Variants in STK16 observed in about 807,000 individuals in gnomAD.
STK16 encodes the protein serine/threonine kinase 16, also known as serine/threonine-protein kinase 16.
In STK16, 28 loss-of-function variants were observed where a neutral mutation model predicts 37.8. The ratio of observed to expected loss-of-function variants is 0.74; its 90% CI spans 0.55 to 1.02. The LOEUF (loss-of-function observed/expected upper bound fraction) is 1.02, where lower values mean the gene tolerates loss of function less well. Among genes scored for constraint, STK16 ranks in the 50% least tolerant of loss-of-function variants. The pLI is 0.00. For synonymous variants in STK16, 134 were observed against 155.0 expected (o/e 0.86, Z 1.01); for missense variants, 349 against 390.6 (o/e 0.89, Z 0.90).
chr2:219,246,191 C>G lies in STK16; in HGVS notation c.86+106C>G, dbSNP rs1355415075. 2.1e-6 allele frequency: 2 copies of G among 960,962 alleles called. No individual in the cohort carries two copies. Among genetic ancestry groups the G allele is most frequent in the African/African-American group, 3.3e-5 (2 of 61,256 alleles). 59.5% of individuals were successfully genotyped at this position (960,962 alleles called of 1,614,324 possible). Reference sequence around the variant, plus strand: ...AGGGTTTTATCCCTATCCCTGTCCTCTCTCACCTGACAGAACCTAGCTACA... The same window carrying G: ...AGGGTTTTATCCCTATCCCTGTCCTGTCTCACCTGACAGAACCTAGCTACA... On this transcript the variant is annotated intron_variant, in intron 2 of 7. Coordinates refer to ENST00000396738, the MANE Select transcript of STK16 (RefSeq NM_001330213.2). The surrounding 1 kb of genome is among the most constrained non-coding windows in gnomAD (Gnocchi z 4.5).
At position 219,247,134 on chromosome 2, in the gene STK16, A is replaced by G; in HGVS notation, c.328A>G (p.Ile110Val). 6.2e-7 allele frequency: 1 copy of G among 1,614,228 alleles called. No individual in the cohort carries two copies. Among genetic ancestry groups the G allele is most frequent in the Non-Finnish European group, 8.5e-7 (1 of 1,180,040 alleles). ...FFKRGTLWNE[I>V]ERLKDKGNFL... Reference sequence around the variant, plus strand: ...GCAGAGAGGTACGCTGTGGAATGAGATAGAAAGGCTGAAGGACAAAGGCAA... The same window carrying G: ...GCAGAGAGGTACGCTGTGGAATGAGGTAGAAAGGCTGAAGGACAAAGGCAA... The change falls in exon 4 of 8, where the codon ATA (isoleucine) becomes GTA (valine). Residue 110 changes from isoleucine to valine, a missense_variant. Transcript: ENST00000396738.
chr2:219,246,984 C>T lies in STK16; in HGVS notation c.306+108C>T. ...AGCAGGGACCATGTCCTGGGTTTGGCCACTTTAGATTTTGAGTTTGAGGTG... is the reference window on the plus strand; with the variant it reads ...AGCAGGGACCATGTCCTGGGTTTGGTCACTTTAGATTTTGAGTTTGAGGTG... On this transcript the variant is annotated intron_variant, in intron 3 of 7. Coordinates refer to ENST00000396738, the MANE Select transcript of STK16 (RefSeq NM_001330213.2). This position sits in a 1 kb window ranked among gnomAD's most constrained non-coding sequence, Gnocchi z 4.5. 2 of 1,528,266 alleles carry T rather than the reference C, an allele frequency of 1.3e-6. No individual in the cohort carries two copies. The highest frequency in any genetic ancestry group is 1.8e-6 in the Non-Finnish European group (2 of 1,128,918). 94.7% of individuals were successfully genotyped at this position (1,528,266 alleles called of 1,614,324 possible).
At position 219,247,155 on chromosome 2, in the gene STK16, G is replaced by A. The variant is rs752160501; in HGVS notation, c.349G>A (p.Gly117Ser). 1 of 1,614,232 alleles carries A rather than the reference G, an allele frequency of 6.2e-7. No individual in the cohort carries two copies. Among genetic ancestry groups the A allele is most frequent in the South Asian group, 1.1e-5 (1 of 91,090 alleles). Residue 117 changes from glycine to serine, a missense_variant, in exon 4 of 8, where the codon GGC becomes AGC. By Grantham distance (56) the Gly-to-Ser change is moderately conservative (BLOSUM62 0). Coordinates refer to ENST00000396738, the MANE Select transcript of STK16 (RefSeq NM_001330213.2). ...WNEIERLKDK[G>S]NFLTEDQILW... ...TGAGATAGAAAGGCTGAAGGACAAA[G>A]GCAACTTCCTGACCGAGGATCAAAT...
At chr2:219,247,054 A>C (rs1445160826) in intron 3 of STK16, 59 bp from the exon 4 acceptor site, 1 of 1,607,702 alleles carries the variant, frequency 6.2e-7, no homozygotes, top group Non-Finnish European at 8.5e-7. Flanking sequence ...GGAAGGGATC[A>C]GGCCTAAGGA....
At position 219,248,664 on chromosome 2, in the gene STK16, G is replaced by A. The variant is rs1325965372; in HGVS notation, c.*105G>A. The A allele has an allele frequency of 3.5e-6, 5 of 1,421,312 alleles. No homozygotes were observed. The African/African-American group carries it at 7.2e-5, about 20-fold the overall frequency. The allele number at this position is 1,421,312 out of a possible 1,614,324, so 88.0% of individuals were successfully genotyped here. ...ATCCAGGACTTCTCTTACACTTGGG[G>A]GTAGCGGGGTCAGGACAATCATCTC... On this transcript the variant is annotated 3_prime_UTR_variant, in exon 8 of 8. Coordinates refer to ENST00000396738, the MANE Select transcript of STK16 (RefSeq NM_001330213.2).
chr2:219,246,970 T>C lies in STK16; in HGVS notation c.306+94T>C. ...CCAGCATGTTAGGAAGCAGGGACCA[T>C]GTCCTGGGTTTGGCCACTTTAGATT... On this transcript the variant is annotated intron_variant, in intron 3 of 7. Transcript: ENST00000396738. The surrounding 1 kb of genome is among the most constrained non-coding windows in gnomAD (Gnocchi z 4.5). 1.3e-6 allele frequency: 2 copies of C among 1,522,804 alleles called. No homozygotes were observed. The highest frequency in any genetic ancestry group is 1.4e-5 in the African/African-American group (1 of 72,892). The allele number at this position is 1,522,804 out of a possible 1,614,324, so 94.3% of individuals were successfully genotyped here.
rs1194825043 is a variant in STK16 at position 219,249,196 on chromosome 2, A to C, written c.*637A>C. The C allele has an allele frequency of 6.6e-6, 1 of 152,250 alleles. No homozygotes were observed. The allele number at this position is 152,250 out of a possible 1,614,324, so 9.4% of individuals were successfully genotyped here. The stretch of plus-strand genomic sequence containing the variant: ...CTCCTGGGGTGAGTAGCTTAGTCAA[A>C]GCTGCCTAGCCGGTTTGCTAGGCAA... On this transcript the variant is annotated 3_prime_UTR_variant, in exon 8 of 8. Coordinates refer to ENST00000396738, the MANE Select transcript of STK16 (RefSeq NM_001330213.2).
rs1453703123 is a variant in STK16 at position 219,250,096 on chromosome 2, A to G, written c.*1537A>G. 1.3e-5 allele frequency: 7 copies of G among 520,800 alleles called. No homozygotes were observed. The highest frequency in any genetic ancestry group is 2.4e-5 in the Non-Finnish European group (7 of 293,544). 32.3% of individuals were successfully genotyped at this position (520,800 alleles called of 1,614,324 possible). ...GGATTTTGGTCCTCATTTCCTCCCT[A>G]TACTGAGTAACCCTAGGACTTCAAT... On this transcript the variant is annotated 3_prime_UTR_variant, in exon 8 of 8. Transcript: ENST00000396738. The surrounding 1 kb of genome is among the most constrained non-coding windows in gnomAD (Gnocchi z 8.4).
Position 219,247,492 on chromosome 2 carries a change from C to T in STK16, c.518C>T (p.Ala173Val), listed in dbSNP as rs1397029286. The change falls in exon 5 of 8, where the codon GCA (alanine) becomes GTA (valine). Residue 173 changes from alanine to valine, a missense_variant. Transcript: ENST00000396738. Reference protein sequence around the residue: ...VLMDLGSMNQACIHVEGSRQA... With the variant: ...VLMDLGSMNQVCIHVEGSRQA... ...ATGGACTTGGGTTCCATGAATCAAG[C>T]ATGCATCCATGTGGAGGGCTCCCGC... is the stretch of plus-strand genomic sequence containing the variant. 1 of 1,614,218 alleles carries T rather than the reference C, an allele frequency of 6.2e-7. No homozygotes were observed. Among genetic ancestry groups the T allele is most frequent in the Admixed American group, 1.7e-5 (1 of 60,032 alleles).
intron 4 of STK16, 46 bp from the exon 5 acceptor site, chr2:219,247,369 C>A (rs781661903): frequency 6.8e-6 from 11 of 1,610,134 alleles, no homozygotes; most frequent in South Asian, 1.1e-5. Flanking sequence ...GGGATTCCAG[C>A]CTTCCTGTCC....
intron 4 of STK16, 55 bp from the exon 5 acceptor site, chr2:219,247,360 G>A: frequency 6.2e-7 from 1 of 1,609,478 alleles, no homozygotes; most frequent in South Asian, 1.1e-5. Context: ...TTGCTTGCTG[G>A]GATTCCAGCC....
chr2:219,246,929 G>C lies in STK16; in HGVS notation c.306+53G>C. ...GGTTGCAGCAGAGCCACCTACTCAA[G>C]GGCTGTGTGAGCAGTCCAGCATGTT... On this transcript the variant is annotated intron_variant, in intron 3 of 7. Coordinates refer to ENST00000396738, the MANE Select transcript of STK16 (RefSeq NM_001330213.2). The surrounding 1 kb of genome is among the most constrained non-coding windows in gnomAD (Gnocchi z 4.5). 6.4e-7 allele frequency: 1 copy of C among 1,557,144 alleles called. No homozygotes were observed. The highest frequency in any genetic ancestry group is 1.4e-5 in the African/African-American group (1 of 73,822).
Position 219,246,197 on chromosome 2 carries a change from C to T in STK16, c.86+112C>T. 1.2e-6 allele frequency: 1 copy of T among 859,370 alleles called. No homozygotes were observed. The highest frequency in any genetic ancestry group is 2.7e-5 in the East Asian group (1 of 37,562). The allele number at this position is 859,370 out of a possible 1,614,324, so 53.2% of individuals were successfully genotyped here. ...TTATCCCTATCCCTGTCCTCTCTCA[C>T]CTGACAGAACCTAGCTACACAGTAT... On this transcript the variant is annotated intron_variant, in intron 2 of 7. Coordinates refer to ENST00000396738, the MANE Select transcript of STK16 (RefSeq NM_001330213.2). This position sits in a 1 kb window ranked among gnomAD's most constrained non-coding sequence, Gnocchi z 4.5.
At position 219,247,591 on chromosome 2, in the gene STK16, G is replaced by A. The variant is rs766789090; in HGVS notation, c.561+56G>A. On this transcript the variant is annotated intron_variant, in intron 5 of 7. Transcript: ENST00000396738. ...CTGTTCCCCATTCCCACCCCTTCTG[G>A]TGCATGTCCCAGTTTGGTCACATGA... 5.0e-6 allele frequency: 8 copies of A among 1,613,984 alleles called. No individual in the cohort carries two copies. The Middle Eastern group carries it at 4.9e-4, about 100-fold the overall frequency.
In STK16 at chr2:219,246,066, A is replaced by G; in HGVS notation, c.67A>G (p.Ile23Val). Residue 23 changes from isoleucine (I) to valine (V), a missense_variant, in exon 2 of 8, where the codon ATC becomes GTC. Coordinates refer to ENST00000396738, the MANE Select transcript of STK16 (RefSeq NM_001330213.2). The surrounding 1 kb of genome is among the most constrained non-coding windows in gnomAD (Gnocchi z 4.5). ...VIIDNKRYLF[I>V]QKLGEGGFSY... Reference sequence around the variant, plus strand: ...CATTGACAATAAGCGCTACCTCTTCATCCAGAAACTGGGGGAGGGGTGAGT... The same window carrying G: ...CATTGACAATAAGCGCTACCTCTTCGTCCAGAAACTGGGGGAGGGGTGAGT... 6.2e-7 allele frequency: 1 copy of G among 1,613,916 alleles called. No individual in the cohort carries two copies. Among genetic ancestry groups the G allele is most frequent in the Non-Finnish European group, 8.5e-7 (1 of 1,179,906 alleles).
At position 219,246,032 on chromosome 2, in the gene STK16, A is replaced by G; in HGVS notation, c.33A>G (p.Gly11=). The G allele has an allele frequency of 6.2e-7, 1 of 1,613,948 alleles. No homozygotes were observed. The highest frequency in any genetic ancestry group is 2.2e-5 in the East Asian group (1 of 44,880). Residue 11 remains glycine, a synonymous_variant, in exon 2 of 8, where the codon GGA becomes GGG. Transcript: ENST00000396738. This position sits in a 1 kb window ranked among gnomAD's most constrained non-coding sequence, Gnocchi z 4.5. MGHALCVCSR[G]TVIIDNKRYL... ...ACGCGCTGTGTGTCTGCTCTCGGGG[A>G]ACTGTCATCATTGACAATAAGCGCT...
In STK16 at chr2:219,246,871, T is replaced by C; in HGVS notation, c.301T>C (p.Phe101Leu). ...TGAGGCCTGGCTGCTGCTACCATTC[T>C]TCAAGGTCAGAAAGACTCCTGGTTA... ...KHEAWLLLPFFKRGTLWNEIE... is the reference protein window; with the variant it reads ...KHEAWLLLPFLKRGTLWNEIE... The change falls in exon 3 of 8, where the codon TTC becomes CTC. Residue 101 changes from phenylalanine (F) to leucine (L), a missense_variant. By Grantham distance (22) the Phe-to-Leu change is conservative (BLOSUM62 0). Coordinates refer to ENST00000396738, the MANE Select transcript of STK16 (RefSeq NM_001330213.2). This position sits in a 1 kb window ranked among gnomAD's most constrained non-coding sequence, Gnocchi z 4.5. 1 of 1,608,604 alleles carries C rather than the reference T, an allele frequency of 6.2e-7. No individual in the cohort carries two copies. Among genetic ancestry groups the C allele is most frequent in the South Asian group, 1.1e-5 (1 of 90,712 alleles).
In STK16 at chr2:219,249,812, TAGG is replaced by T. The variant is rs1951614464; in HGVS notation, c.*1256_*1258del. 1.9e-5 allele frequency: 3 copies of T among 155,084 alleles called. No homozygotes were observed. The highest frequency in any genetic ancestry group is 1.3e-4 in the Admixed American group (2 of 15,802). 9.6% of individuals were successfully genotyped at this position (155,084 alleles called of 1,614,324 possible). A position where few individuals can be genotyped will look rare whatever the true frequency, so the allele number is the denominator to read the frequency against. On this transcript the variant is annotated 3_prime_UTR_variant, in exon 8 of 8. Transcript: ENST00000396738. ...AGAGGTGCAGTGGCACAAACAACTC[TAGG>T]AGATCGCCTGTGTTCCCTCCCATCC...
chr2:219,247,894 C>T (rs867430732), intron 6 of STK16, 137 bp downstream of exon 6: 1 of 913,516 alleles, frequency 1.1e-6, no homozygotes, highest in Non-Finnish European at 1.7e-6. Context: ...CAACTTCCTT[C>T]CTGGGAAATG....
Sources: allele counts gnomAD v4.1 joint callset, GRCh38; gene constraint gnomAD v4.1.1; non-coding constraint Gnocchi (gnomAD v3.1); transcripts MANE v1.5; gene names NCBI Gene and HGNC (gene_info 2026-07-23, HGNC 2026-07-21).